GALNT17: variants seen among roughly 807,000 people sequenced by gnomAD.
GALNT17 encodes polypeptide N-acetylgalactosaminyltransferase 17.
Under a neutral mutation model 63.7 loss-of-function variants are expected in GALNT17, and 29 were observed. That is an observed-to-expected ratio of 0.46 (90% CI 0.34 to 0.62). The LOEUF is 0.62. Ranked by LOEUF, GALNT17 falls within the 20% of genes least tolerant of loss-of-function variation. GALNT17 has a pLI of 0.01. For missense variants in GALNT17, 603 were observed against 799.6 expected (o/e 0.75, Z 2.97); for synonymous variants, 305 against 318.3 (o/e 0.96, Z 0.45).
chr7:71,181,284 C>T lies in GALNT17; in HGVS notation c.238+48244C>T, dbSNP rs143476414. ...AAAAAAAAAAGTAATGGCTTAAAAC[C>T]GCAATTATTTGTGCACCAACCTAAT... On this transcript the variant is annotated intron_variant, in intron 1 of 10. Transcript: ENST00000333538. Among the ~76,000 whole-genome samples the T allele has an allele frequency of 9.1e-4, 137 of 151,180 alleles. 1 individual carries two copies. Among genetic ancestry groups the T allele is most frequent in the African/African-American group, 2.8e-3 (117 of 41,066 alleles).
rs149798682 is a variant in GALNT17, at chr7:71,438,104, TAGTC to T, written c.962+17002_962+17005del. Among the ~76,000 whole-genome samples the T allele has an allele frequency of 2.2e-3, 331 of 152,318 alleles. 1 individual carries two copies. The highest frequency in any genetic ancestry group is 7.6e-3 in the African/African-American group (317 of 41,560). On this transcript the variant is annotated intron_variant, in intron 5 of 10. Transcript: ENST00000333538. ...ATGGTGGATTTGGACTATGTGATAT[TAGTC>T]AGGGTTCTCTAGAGGGACAGAACTA... is the stretch of plus-strand genomic sequence containing the variant.
intron 5 of GALNT17, among the ~76,000 whole-genome samples, chr7:71,474,659 A>G (rs1341045073): frequency 6.6e-6 from 1 of 152,326 alleles, no homozygotes; most frequent in East Asian, 1.9e-4. Context: ...TCCACCAGAA[A>G]AAAAATCATT....
chr7:71,286,873 C>G (rs1251043415), intron 1 of GALNT17, among the ~76,000 whole-genome samples: 1 of 151,438 alleles, frequency 6.6e-6, no homozygotes, highest in Non-Finnish European at 1.5e-5. Flanking sequence ...TTGCCAAAAC[C>G]CTGACCTCCT....
At chr7:71,380,732 T>C (rs1230097870) in intron 2 of GALNT17, among the ~76,000 whole-genome samples, 1 of 151,864 alleles carries the variant, frequency 6.6e-6, no homozygotes, top group Non-Finnish European at 1.5e-5. Flanking sequence ...GGGAGGAGGC[T>C]GGGATCCACA....
At chr7:71,612,974 A>T (rs1457605590) in intron 6 of GALNT17, among the ~76,000 whole-genome samples, 1 of 152,160 alleles carries the variant, frequency 6.6e-6, no homozygotes, top group East Asian at 1.9e-4. Flanking sequence ...CCCCCTGGGG[A>T]TTCACAGCCT....
At chr7:71,143,173 G>A (rs548754045) in intron 1 of GALNT17, among the ~76,000 whole-genome samples, 54 of 151,878 alleles carry the variant, frequency 3.6e-4, no homozygotes, top group East Asian at 2.3e-3. Flanking sequence ...TGTAATCCCA[G>A]CACTTTGGGA....
chr7:71,184,908 C>G (rs1024510108), intron 1 of GALNT17, among the ~76,000 whole-genome samples: 15 of 150,370 alleles, frequency 1.0e-4, no homozygotes, highest in African/African-American at 2.7e-4. Flanking sequence ...TGGGGGCATT[C>G]TCTAACCCAC....
At chr7:71,470,893 G>T (rs1416397410) in intron 5 of GALNT17, among the ~76,000 whole-genome samples, 1 of 151,914 alleles carries the variant, frequency 6.6e-6, no homozygotes, top group Non-Finnish European at 1.5e-5. Context: ...GTAATATACT[G>T]GAATCTTGCC....
At chr7:71,452,001 A>G (rs1787270914) in intron 5 of GALNT17, among the ~76,000 whole-genome samples, 1 of 152,116 alleles carries the variant, frequency 6.6e-6, no homozygotes, top group Non-Finnish European at 1.5e-5. Flanking sequence ...CTTGAGCCCA[A>G]GAGTTCAAGA....
At chr7:71,438,861 C>T (rs941708832) in intron 5 of GALNT17, among the ~76,000 whole-genome samples, 1 of 151,650 alleles carries the variant, frequency 6.6e-6, no homozygotes, top group African/African-American at 2.4e-5. Context: ...ACATGACAGA[C>T]TCTGGTCGCT....
chr7:71,185,950 G>GTTA (rs1788843607), intron 1 of GALNT17, among the ~76,000 whole-genome samples: 1 of 152,090 alleles, frequency 6.6e-6, no homozygotes, highest in African/African-American at 2.4e-5. Flanking sequence ...AGGAAATGTT[G>GTTA]GTAAGCTGTT....
At chr7:71,644,885 G>A (rs1276115862) in intron 6 of GALNT17, among the ~76,000 whole-genome samples, 1 of 152,180 alleles carries the variant, frequency 6.6e-6, no homozygotes, top group African/African-American at 2.4e-5. Context: ...GCTTAGTATG[G>A]TAAAAATATG....
rs570537193 is a variant in GALNT17 at position 71,489,323 on chromosome 7, C to T, written c.962+68218C>T. Among the ~76,000 whole-genome samples the T allele has an allele frequency of 7.7e-4, 117 of 152,266 alleles. 4 individuals carry two copies. In the South Asian group the frequency reaches 0.024, roughly 31 times the overall value. On this transcript the variant is annotated intron_variant, in intron 5 of 10. Transcript: ENST00000333538. ...ATCGTCTTAAAATGCTTCATTCACA[C>T]CCAGCTCTTATAGGGGAGGACAGAT...
intron 2 of GALNT17, among the ~76,000 whole-genome samples, chr7:71,349,546 C>G (rs1294771154): frequency 6.6e-6 from 1 of 152,214 alleles, no homozygotes; most frequent in East Asian, 1.9e-4. Flanking sequence ...AAAATAGTCA[C>G]ATGCGGTAAA....
At chr7:71,344,968 CA>C (rs1291345127) in intron 2 of GALNT17, among the ~76,000 whole-genome samples, 1 of 152,058 alleles carries the variant, frequency 6.6e-6, no homozygotes, top group African/African-American at 2.4e-5. Flanking sequence ...AGGAAGACAG[CA>C]GCTCTGCTTG....
chr7:71,218,455 C>G (rs371411341), intron 1 of GALNT17, among the ~76,000 whole-genome samples: 1 of 152,174 alleles, frequency 6.6e-6, no homozygotes, highest in African/African-American at 2.4e-5. Context: ...TGCTTCCACT[C>G]TGCTATGTTT....
chr7:71,276,349 A>T, intron 1 of GALNT17, among the ~76,000 whole-genome samples: 1 of 152,214 alleles, frequency 6.6e-6, no homozygotes, highest in East Asian at 1.9e-4. Context: ...ATTCTATTTA[A>T]AAGATACCTG....
chr7:71,705,646 A>G (rs182668812), intron 9 of GALNT17, among the ~76,000 whole-genome samples: 145 of 152,314 alleles, frequency 9.5e-4, no homozygotes, highest in Admixed American at 2.3e-3. Flanking sequence ...AAAATGAATA[A>G]ACAAAATGGT....
intron 6 of GALNT17, among the ~76,000 whole-genome samples, chr7:71,659,398 C>T (rs773009045): frequency 8.5e-5 from 13 of 152,326 alleles, no homozygotes; most frequent in Middle Eastern, 3.4e-3. Flanking sequence ...TATGCTTATG[C>T]ACACACTGGC....
Sources: gnomAD v4.1 joint callset for allele counts (sites outside exome capture counted in the v4.1 genomes callset) on GRCh38, gnomAD v4.1.1 for gene constraint, MANE v1.5 for transcripts, NCBI Gene and HGNC (gene_info 2026-07-23, HGNC 2026-07-21) for gene names.